Variants in RYR3 observed in about 807,000 individuals in gnomAD.
RYR3 encodes ryanodine receptor 3.
In RYR3, 207 loss-of-function variants were observed where a neutral mutation model predicts 584.3. That is an observed-to-expected ratio of 0.35 (90% CI 0.32 to 0.40). The LOEUF (loss-of-function observed/expected upper bound fraction) is 0.40, where lower values mean the gene tolerates loss of function less well. RYR3 is among the 10% of genes least tolerant of loss of function. The pLI, the probability that RYR3 is intolerant of heterozygous loss-of-function variation, is 1.00. For synonymous variants in RYR3, 2,416 were observed against 2,248.5 expected, an observed-to-expected ratio of 1.07 and a Z score of -2.11; for missense variants, 5,616 against 6,089.2, an observed-to-expected ratio of 0.92 and a Z score of 2.59.
intron 65 of RYR3, 39 bp downstream of exon 65, chr15:33,780,380 G>A (rs2152901133): frequency 6.2e-7 from 1 of 1,605,856 alleles, no homozygotes; most frequent in East Asian, 2.2e-5. Context: ...CCCATTTCAT[G>A]TGCTGAGAGG....
At chr15:33,699,657 C>T (rs958079723) in intron 40 of RYR3, 47 bp from the exon 41 acceptor site, 7 of 1,587,948 alleles carry the variant, frequency 4.4e-6, no homozygotes, top group East Asian at 4.5e-5. Context: ...TTCAGAAAGG[C>T]CTCATGATAG....
At chr15:33,318,353 C>T (rs990584678) in intron 1 of RYR3, among the ~76,000 whole-genome samples, 4 of 152,234 alleles carry the variant, frequency 2.6e-5, no homozygotes, top group Non-Finnish European at 5.9e-5. Context: ...ATGTCTTTCT[C>T]CTTGGTCTGT....
intron 20 of RYR3, among the ~76,000 whole-genome samples, chr15:33,624,569 C>A (rs1207257253): frequency 6.6e-6 from 1 of 152,090 alleles, no homozygotes; most frequent in East Asian, 1.9e-4. Context: ...TGCGTATTCT[C>A]ATATGGCTGG....
At chr15:33,853,761 C>T (rs1343277218) in intron 96 of RYR3, 79 bp downstream of exon 96, 12 of 1,532,252 alleles carry the variant, frequency 7.8e-6, no homozygotes, top group Non-Finnish European at 1.1e-5. Flanking sequence ...AAAATCACAA[C>T]CGTGTCTTTG....
intron 16 of RYR3, among the ~76,000 whole-genome samples, chr15:33,588,571 A>G (rs1385732694): frequency 6.6e-6 from 1 of 152,094 alleles, no homozygotes; most frequent in Non-Finnish European, 1.5e-5. Flanking sequence ...AATAATGTAC[A>G]TTGTACTCAT....
chr15:33,745,676 A>C (rs1182934819), intron 52 of RYR3, among the ~76,000 whole-genome samples: 1 of 152,200 alleles, frequency 6.6e-6, no homozygotes, highest in African/African-American at 2.4e-5. Flanking sequence ...GTTGCAAGGC[A>C]AATGGCCCCT....
intron 30 of RYR3, 105 bp from the exon 31 acceptor site, chr15:33,648,967 G>A: frequency 1.8e-6 from 2 of 1,112,154 alleles, no homozygotes; most frequent in Non-Finnish European, 2.5e-6. Flanking sequence ...AGAAAAAAAA[G>A]GGGGGGCCAA....
At chr15:33,537,666 C>T (rs957050991) in intron 5 of RYR3, among the ~76,000 whole-genome samples, 7 of 152,182 alleles carry the variant, frequency 4.6e-5, no homozygotes, top group African/African-American at 9.7e-5. Flanking sequence ...AAGAGCGTCT[C>T]TTGTGCCTTG....
chr15:33,524,938 C>G (rs754271369), intron 3 of RYR3, among the ~76,000 whole-genome samples: 2 of 151,994 alleles, frequency 1.3e-5, no homozygotes, highest in Non-Finnish European at 2.9e-5. Context: ...TTCCATTGTT[C>G]TGAATTTCAG....
intron 13 of RYR3, among the ~76,000 whole-genome samples, chr15:33,580,915 C>T (rs985220182): frequency 3.9e-5 from 6 of 152,166 alleles, no homozygotes; most frequent in Admixed American, 1.3e-4. Context: ...TTTACCATCT[C>T]CCTCCCATGC....
chr15:33,454,427 T>C (rs2047377137), intron 1 of RYR3, among the ~76,000 whole-genome samples: 1 of 152,198 alleles, frequency 6.6e-6, no homozygotes, highest in African/African-American at 2.4e-5. Flanking sequence ...GGTAACATGC[T>C]GAGTTTAAAC....
At chr15:33,404,590 T>TG (rs1555458122) in intron 1 of RYR3, among the ~76,000 whole-genome samples, 64 of 68,342 alleles carry the variant, frequency 9.4e-4, no homozygotes, top group African/African-American at 6.0e-3. Flanking sequence ...CTACTGTGTG[T>TG]TTTTTTTTTT....
intron 27 of RYR3, among the ~76,000 whole-genome samples, chr15:33,638,994 A>C (rs16957066): frequency 0.014 from 2,112 of 152,296 alleles, 56 homozygotes; most frequent in African/African-American, 0.048. Context: ...TTATAGGCTC[A>C]AATACTGAGA....
At chr15:33,338,213 G>C (rs1971383924) in intron 1 of RYR3, among the ~76,000 whole-genome samples, 1 of 152,046 alleles carries the variant, frequency 6.6e-6, no homozygotes, top group South Asian at 2.1e-4. Context: ...CCAAAGTGCT[G>C]GGATTACAGG....
At chr15:33,645,325 G>T (rs187541873) in intron 28 of RYR3, among the ~76,000 whole-genome samples, 367 of 152,236 alleles carry the variant, frequency 2.4e-3, no homozygotes, top group African/African-American at 8.5e-3. Flanking sequence ...TAGGGGGAGA[G>T]TGTTGATTTA....
chr15:33,796,657 A>G (rs752283304), intron 67 of RYR3, among the ~76,000 whole-genome samples: 1 of 152,224 alleles, frequency 6.6e-6, no homozygotes, highest in Non-Finnish European at 1.5e-5. Context: ...TAGCATGACC[A>G]TCACCCAATA....
chr15:33,660,589 T>C (rs1004809059), intron 34 of RYR3, among the ~76,000 whole-genome samples, 166 bp downstream of exon 34: 1 of 152,212 alleles, frequency 6.6e-6, no homozygotes, highest in Non-Finnish European at 1.5e-5. Flanking sequence ...CTTTCATTAC[T>C]CAGAAACAGC....
At chr15:33,574,799 C>T (rs765529755) in intron 12 of RYR3, among the ~76,000 whole-genome samples, 5 of 151,904 alleles carry the variant, frequency 3.3e-5, no homozygotes, top group African/African-American at 4.8e-5. Context: ...AAGAAGAAGC[C>T]GTGCTAAATG....
chr15:33,803,900 A>G (rs1228722910), intron 69 of RYR3, among the ~76,000 whole-genome samples: 1 of 152,210 alleles, frequency 6.6e-6, no homozygotes, highest in Non-Finnish European at 1.5e-5. Flanking sequence ...TCACAAAGCA[A>G]TGGAAATGAA....
Sources: gnomAD v4.1 joint callset for allele counts (sites outside exome capture counted in the v4.1 genomes callset) on GRCh38, gnomAD v4.1.1 for gene constraint, MANE v1.5 for transcripts, NCBI Gene and HGNC (gene_info 2026-07-23, HGNC 2026-07-21) for gene names.